PIWIL4: variants seen among roughly 807,000 people sequenced by gnomAD.
The protein encoded by PIWIL4 is piwi-like protein 4.
PIWIL4 carries 50 observed loss-of-function variants against 100.9 expected under a neutral mutation model. That is an observed-to-expected ratio of 0.50 (90% CI 0.39 to 0.63). The LOEUF is 0.63. PIWIL4 is among the 20% of genes least tolerant of loss of function. The pLI is 0.00. For missense variants in PIWIL4, 887 were observed against 1,043.3 expected (o/e 0.85, Z 2.06); for synonymous variants, 342 against 367.5 (o/e 0.93, Z 0.79).
rs1323246022 is a variant in PIWIL4 at position 94,612,163 on chromosome 11, T to C, written c.1943+3477T>C. On this transcript the variant is annotated intron_variant, in intron 15 of 19. Transcript: ENST00000299001. ...AAAGTGGAGTACTGAAGCTCCCTAC[T>C]ATTATTGTATTGCTGTTTCTCTCTT... is the stretch of plus-strand genomic sequence containing the variant. Among the ~76,000 whole-genome samples, 7 of 142,422 alleles carry C rather than the reference T, an allele frequency of 4.9e-5. No individual in the cohort carries two copies. In the Admixed American group the frequency reaches 5.0e-4, roughly 10 times the overall value. The allele number at this position is 142,422 out of a possible 152,430, so 93.4% of individuals were successfully genotyped here. A position where few individuals can be genotyped will look rare whatever the true frequency, so the allele number is the denominator to read the frequency against.
rs758869326 is a variant in PIWIL4, at chr11:94,601,778, A to G, written c.1381-17A>G. On this transcript the variant is annotated splice_polypyrimidine_tract_variant and intron_variant, in intron 11 of 19. Coordinates refer to ENST00000299001, the MANE Select transcript of PIWIL4 (RefSeq NM_152431.3). ...AATAAATTTGTTCAATCCTTTCATG[A>G]TCATTATTTTTCTCAGTGTCAACCT... 2.5e-6 allele frequency: 4 copies of G among 1,610,978 alleles called. No homozygotes were observed. The South Asian group carries it at 4.4e-5, about 18-fold the overall frequency.
At chr11:94,585,588 A>G (rs1233518896) in intron 6 of PIWIL4, 63 bp downstream of exon 6, 1 of 1,244,162 alleles carries the variant, frequency 8.0e-7, no homozygotes, top group East Asian at 2.4e-5. Flanking sequence ...ATAATTTATG[A>G]TGCAATATTA....
chr11:94,617,838 C>A, intron 16 of PIWIL4, 116 bp from the exon 17 acceptor site: 1 of 1,085,852 alleles, frequency 9.2e-7, no homozygotes, highest in Non-Finnish European at 1.4e-6. Flanking sequence ...ATGTATTGCC[C>A]TATTTTACAG....
chr11:94,607,392 G>T, intron 13 of PIWIL4, 47 bp from the exon 14 acceptor site: 1 of 1,517,116 alleles, frequency 6.6e-7, no homozygotes. Flanking sequence ...CAACTTCTTA[G>T]CAGAAGTAAA....
At chr11:94,574,707 C>T (rs1202893298) in intron 2 of PIWIL4, among the ~76,000 whole-genome samples, 2 of 152,106 alleles carry the variant, frequency 1.3e-5, no homozygotes, top group African/African-American at 2.4e-5. Context: ...GTCTCTAACT[C>T]CTGAGCTCAA....
At chr11:94,570,265 C>T (rs771829336) in intron 2 of PIWIL4, among the ~76,000 whole-genome samples, 3 of 152,080 alleles carry the variant, frequency 2.0e-5, no homozygotes, top group Admixed American at 2.0e-4. Flanking sequence ...GCTTAATCAG[C>T]AGAAATTTAT....
At chr11:94,584,120 A>G (rs1415317192) in intron 5 of PIWIL4, among the ~76,000 whole-genome samples, 1 of 152,196 alleles carries the variant, frequency 6.6e-6, no homozygotes, top group Non-Finnish European at 1.5e-5. Flanking sequence ...ATGGAGCTCC[A>G]TAAAAGGCAT....
At chr11:94,591,999 G>C (rs1349146090) in intron 8 of PIWIL4, among the ~76,000 whole-genome samples, 1 of 152,128 alleles carries the variant, frequency 6.6e-6, no homozygotes, top group Non-Finnish European at 1.5e-5. Flanking sequence ...CCTTTGTTTT[G>C]CTGGAGCTGT....
intron 13 of PIWIL4, among the ~76,000 whole-genome samples, 156 bp downstream of exon 13, chr11:94,604,212 ATT>A (rs1247960069): frequency 2.6e-5 from 4 of 152,132 alleles, no homozygotes; most frequent in African/African-American, 9.7e-5. Context: ...TTTAATCAAT[ATT>A]TTATTTCCTT....
chr11:94,574,292 C>T (rs540613656), intron 2 of PIWIL4, among the ~76,000 whole-genome samples: 4 of 152,146 alleles, frequency 2.6e-5, no homozygotes, highest in African/African-American at 9.7e-5. Flanking sequence ...CTCTTCTTTT[C>T]TTTGGGAAAT....
At chr11:94,572,623 A>T (rs905619074) in intron 2 of PIWIL4, among the ~76,000 whole-genome samples, 6 of 151,608 alleles carry the variant, frequency 4.0e-5, no homozygotes, top group Non-Finnish European at 8.8e-5. Flanking sequence ...ATTTCTGAGG[A>T]CTCTGTTCTA....
chr11:94,618,932 A>G lies in PIWIL4; in HGVS notation c.2168+825A>G, dbSNP rs148688069. On this transcript the variant is annotated intron_variant, in intron 17 of 19. Coordinates refer to ENST00000299001, the MANE Select transcript of PIWIL4 (RefSeq NM_152431.3). The stretch of plus-strand genomic sequence containing the variant: ...CAGTATCATCTGCAGCTTTATCCCA[A>G]CTGTTAGGGCCAAAATACTTTGCTC... Among the ~76,000 whole-genome samples, 758 of 152,106 alleles carry G rather than the reference A, an allele frequency of 5.0e-3. 8 individuals carry two copies. The highest frequency in any genetic ancestry group is 0.017 in the African/African-American group (708 of 41,482).
chr11:94,589,153 TTGAC>T lies in PIWIL4; in HGVS notation c.950_953del (p.Asp317GlyfsTer3). 6.2e-7 allele frequency: 1 copy of T among 1,612,640 alleles called. No homozygotes were observed. The highest frequency in any genetic ancestry group is 8.5e-7 in the Non-Finnish European group (1 of 1,178,758). On this transcript the variant is annotated frameshift_variant, in exon 8 of 20. Coordinates refer to ENST00000299001, the MANE Select transcript of PIWIL4 (RefSeq NM_152431.3). LOFTEE classifies it high-confidence loss of function. ...AACAGAACCTACTCCATTGATGACA[TTGAC>T]TGGTCAGTGAAGCCCACACACACCT...
intron 8 of PIWIL4, among the ~76,000 whole-genome samples, 175 bp downstream of exon 8, chr11:94,589,407 A>G (rs554740419): frequency 1.3e-5 from 2 of 151,732 alleles, no homozygotes; most frequent in South Asian, 2.1e-4. Context: ...CCCTCATCCT[A>G]TCTCCTGTTT....
At chr11:94,619,040 G>A (rs908652829) in intron 17 of PIWIL4, among the ~76,000 whole-genome samples, 1 of 152,222 alleles carries the variant, frequency 6.6e-6, no homozygotes, top group African/African-American at 2.4e-5. Context: ...GCAGCTGACA[G>A]TGCTAAGGAG....
intron 4 of PIWIL4, 74 bp from the exon 5 acceptor site, chr11:94,583,374 A>T (rs1948353002): frequency 6.5e-7 from 1 of 1,530,278 alleles, no homozygotes; most frequent in Non-Finnish European, 8.9e-7. Flanking sequence ...TTACATTGTG[A>T]TGGCTTTATA....
chr11:94,584,997 G>A (rs1419261356), intron 5 of PIWIL4, among the ~76,000 whole-genome samples: 1 of 152,144 alleles, frequency 6.6e-6, no homozygotes, highest in Non-Finnish European at 1.5e-5. Flanking sequence ...CCCGGGAGGC[G>A]GAGGTTGCAG....
chr11:94,601,273 A>G (rs1375508441), intron 11 of PIWIL4, among the ~76,000 whole-genome samples: 1 of 152,120 alleles, frequency 6.6e-6, no homozygotes, highest in African/African-American at 2.4e-5. Context: ...TTCACAATCC[A>G]TGTTCTTCTG....
At chr11:94,596,047 T>C (rs1565277483) in intron 10 of PIWIL4, among the ~76,000 whole-genome samples, 1 of 152,210 alleles carries the variant, frequency 6.6e-6, no homozygotes, top group Non-Finnish European at 1.5e-5. Context: ...GAAATGTGGC[T>C]AGTGACACAT....
Sources: allele counts gnomAD v4.1 joint callset (sites outside exome capture counted in the v4.1 genomes callset), GRCh38; gene constraint gnomAD v4.1.1; transcripts MANE v1.5; gene names NCBI Gene and HGNC (gene_info 2026-07-23, HGNC 2026-07-21).